GSE1: variants seen among roughly 807,000 people sequenced by gnomAD.
GSE1 encodes genetic suppressor element 1.
Under a neutral mutation model 112.6 loss-of-function variants are expected in GSE1, and 32 were observed. The ratio of observed to expected loss-of-function variants is 0.28; its 90% CI spans 0.21 to 0.38. GSE1 has a LOEUF of 0.38. Ranked by LOEUF, GSE1 falls within the 10% of genes least tolerant of loss-of-function variation. GSE1 has a pLI of 1.00. For missense variants in GSE1, 2,348 were observed against 1,699.2 expected, an observed-to-expected ratio of 1.38 and a Z score of -6.71; for synonymous variants, 1,115 against 735.6, an observed-to-expected ratio of 1.52 and a Z score of -8.35.
chr16:85,496,260 G>A (rs956696987), intron 2 of GSE1, among the ~76,000 whole-genome samples: 4 of 152,228 alleles, frequency 2.6e-5, no homozygotes, highest in Non-Finnish European at 2.9e-5. Context: ...CAAGGCCGTC[G>A]TCAGGGATGA....
At chr16:85,249,577 G>T (rs897682296) in intron 1 of GSE1, among the ~76,000 whole-genome samples, 1 of 152,240 alleles carries the variant, frequency 6.6e-6, no homozygotes, top group African/African-American at 2.4e-5. Flanking sequence ...CTCACGGATT[G>T]TCACTCCGTG....
chr16:85,176,730 C>T (rs942108198), intron 1 of GSE1, among the ~76,000 whole-genome samples: 12 of 152,240 alleles, frequency 7.9e-5, no homozygotes, highest in Non-Finnish European at 1.5e-4. Flanking sequence ...GTGTGGCCTC[C>T]GAGCCCAGAA....
intron 1 of GSE1, among the ~76,000 whole-genome samples, chr16:85,559,611 A>G (rs984785365): frequency 2.0e-4 from 30 of 151,918 alleles, no homozygotes; most frequent in Non-Finnish European, 4.4e-4. Context: ...CTCCTGTTTG[A>G]CAGGTGAGAG....
chr16:85,191,981 T>A (rs2074833112), intron 1 of GSE1, among the ~76,000 whole-genome samples: 1 of 152,116 alleles, frequency 6.6e-6, no homozygotes, highest in Non-Finnish European at 1.5e-5. Context: ...GGGCAGCAGT[T>A]TTGAATCTTT....
At chr16:85,175,466 G>C (rs1400403485) in intron 1 of GSE1, among the ~76,000 whole-genome samples, 1 of 152,218 alleles carries the variant, frequency 6.6e-6, no homozygotes, top group Non-Finnish European at 1.5e-5. Flanking sequence ...TGTGATGTTG[G>C]GTAAGACTCT....
At chr16:85,251,419 G>A (rs368500823) in intron 1 of GSE1, among the ~76,000 whole-genome samples, 12 of 152,266 alleles carry the variant, frequency 7.9e-5, no homozygotes, top group East Asian at 5.8e-4. Context: ...CCTGGCACTC[G>A]CCAGCTGGCT....
intron 2 of GSE1, among the ~76,000 whole-genome samples, chr16:85,641,329 C>A (rs993958533): frequency 6.6e-6 from 1 of 152,250 alleles, no homozygotes; most frequent in African/African-American, 2.4e-5. Flanking sequence ...AAACGCATCT[C>A]CAGCTAGAAA....
intron 2 of GSE1, among the ~76,000 whole-genome samples, chr16:85,503,321 A>G (rs1231328077): frequency 6.6e-6 from 1 of 152,172 alleles, no homozygotes; most frequent in African/African-American, 2.4e-5. Context: ...CCCAGGAGGG[A>G]AGGGTGTGGG....
At chr16:85,371,555 G>T (rs2047301541) in intron 2 of GSE1, among the ~76,000 whole-genome samples, 1 of 152,196 alleles carries the variant, frequency 6.6e-6, no homozygotes, top group African/African-American at 2.4e-5. Flanking sequence ...ATTCTAAGGG[G>T]GCGTGGCAGG....
At chr16:85,555,445 G>A, upstream of GSE1, 6 of 983,286 alleles carry the variant, frequency 6.1e-6, no homozygotes, top group Non-Finnish European at 7.2e-6. Context: ...CGGCTCCCCA[G>A]CCTGCTTTCT....
At chr16:85,292,751 C>T (rs150797130) in intron 1 of GSE1, among the ~76,000 whole-genome samples, 172 of 152,232 alleles carry the variant, frequency 1.1e-3, no homozygotes, top group Middle Eastern at 3.4e-3. Flanking sequence ...TGAGCCACTG[C>T]GCCCGGCCAG....
At chr16:85,269,597 C>T (rs937115653) in intron 1 of GSE1, among the ~76,000 whole-genome samples, 2 of 149,242 alleles carry the variant, frequency 1.3e-5, no homozygotes, top group Non-Finnish European at 3.0e-5. Flanking sequence ...TCCTGACTCC[C>T]CGGTGCTGCC....
intron 2 of GSE1, among the ~76,000 whole-genome samples, chr16:85,507,412 C>A (rs1359463550): frequency 6.6e-6 from 1 of 152,206 alleles, no homozygotes; most frequent in African/African-American, 2.4e-5. Flanking sequence ...GGGAGGGCAG[C>A]CCAGAAGGCT....
At chr16:85,379,549 G>A (rs1013424345) in intron 2 of GSE1, among the ~76,000 whole-genome samples, 4 of 152,160 alleles carry the variant, frequency 2.6e-5, no homozygotes, top group Admixed American at 2.6e-4. Context: ...CACAGCTCAG[G>A]TCTCCTGGGA....
chr16:85,377,599 A>G (rs2047448402), intron 2 of GSE1, among the ~76,000 whole-genome samples: 1 of 152,216 alleles, frequency 6.6e-6, no homozygotes, highest in South Asian at 2.1e-4. Context: ...AACAGTAAGC[A>G]AGCGTAAGCA....
At chr16:85,588,561 G>A (rs186903770) in intron 1 of GSE1, among the ~76,000 whole-genome samples, 94 of 152,304 alleles carry the variant, frequency 6.2e-4, no homozygotes, top group African/African-American at 2.2e-3. Context: ...CTCCTGCCTC[G>A]CCAGAGAACA....
At chr16:85,559,119 C>T (rs550367565) in intron 1 of GSE1, among the ~76,000 whole-genome samples, 1 of 152,268 alleles carries the variant, frequency 6.6e-6, no homozygotes, top group East Asian at 1.9e-4. Context: ...TGGGCTCCCA[C>T]CTTGGGCTGG....
At chr16:85,444,964 G>A (rs548791899) in intron 2 of GSE1, among the ~76,000 whole-genome samples, 5 of 152,218 alleles carry the variant, frequency 3.3e-5, no homozygotes, top group African/African-American at 1.2e-4. Context: ...AGGAGGCCCA[G>A]GTGTGTCGCC....
intron 1 of GSE1, among the ~76,000 whole-genome samples, chr16:85,631,012 G>C (rs963113322): frequency 6.6e-6 from 1 of 152,116 alleles, no homozygotes; most frequent in Non-Finnish European, 1.5e-5. Flanking sequence ...GTATCCCCTG[G>C]GGGGGTGGTC....
Sources: allele counts gnomAD v4.1 joint callset (sites outside exome capture counted in the v4.1 genomes callset), GRCh38; gene constraint gnomAD v4.1.1; transcripts MANE v1.5; gene names NCBI Gene and HGNC (gene_info 2026-07-23, HGNC 2026-07-21).